The following ATAD5 variants were observed in gnomAD, a reference collection of about 807,000 sequenced individuals.
The protein encoded by ATAD5 is ATPase family AAA domain containing 5, also known as ATPase family AAA domain-containing protein 5.
Under a neutral mutation model 176.9 loss-of-function variants are expected in ATAD5, and 58 were observed. The ratio of observed to expected loss-of-function variants is 0.33; its 90% confidence interval spans 0.27 to 0.41. The LOEUF (loss-of-function observed/expected upper bound fraction) is 0.41. ATAD5 is among the 10% of genes least tolerant of loss of function. The probability of loss-of-function intolerance (pLI) is 1.00; values close to 1 mark genes in which losing one functional copy is unlikely to be tolerated. For synonymous variants in ATAD5, 640 were observed against 712.6 expected, an observed-to-expected ratio of 0.90 and a Z score of 1.62; for missense variants, 1,789 against 2,094.1, an observed-to-expected ratio of 0.85 and a Z score of 2.84.
chr17:30,883,606 C>T lies in ATAD5; in HGVS notation c.4078-3586C>T, dbSNP rs1044890549. ...TGTTGCCCAGGCTGGAGTGCACTGG[C>T]GCAATCACTGGCTCACTGCAAGCTC... On this transcript the variant is annotated intron_variant, in intron 18 of 22. Coordinates refer to ENST00000321990, the MANE Select transcript of ATAD5 (RefSeq NM_024857.5). 5.3e-5 allele frequency among the ~76,000 whole-genome samples: 8 copies of T among 151,912 alleles called. 1 individual carries two copies. The highest frequency in any genetic ancestry group is 4.1e-4 in the South Asian group (2 of 4,822).
intron 1 of ATAD5, 47 bp downstream of exon 1, chr17:30,832,460 G>C (rs1905441959): frequency 6.9e-7 from 1 of 1,446,622 alleles, no homozygotes; most frequent in South Asian, 1.5e-5. Flanking sequence ...CTATCTTTTG[G>C]GGGATTGGAA....
chr17:30,835,236 T>C lies in ATAD5; in HGVS notation c.1155T>C (p.Ala385=). The C allele has an allele frequency of 6.2e-7, 1 of 1,614,084 alleles. No individual in the cohort carries two copies. Among genetic ancestry groups the C allele is most frequent in the Non-Finnish European group, 8.5e-7 (1 of 1,179,990 alleles). Residue 385 remains alanine, a synonymous_variant, in exon 2 of 23, where the codon GCT becomes GCC. Coordinates refer to ENST00000321990, the MANE Select transcript of ATAD5 (RefSeq NM_024857.5). ...AATTAGAATTGGCTGTTTTGGAAGC[T>C]GGAAGTTCTGAAGCTGTGAAACCAA... ...EEELELAVLE[A]GSSEAVKPKC...
At chr17:30,846,130 T>C (rs1268374978) in intron 6 of ATAD5, among the ~76,000 whole-genome samples, 1 of 152,170 alleles carries the variant, frequency 6.6e-6, no homozygotes, top group African/African-American at 2.4e-5. Flanking sequence ...CTCTTTCCTA[T>C]TATCCCCACC....
chr17:30,850,833 TTATATATATATATATATATA>T (rs1312470807), intron 6 of ATAD5, among the ~76,000 whole-genome samples: 15 of 27,840 alleles, frequency 5.4e-4, no homozygotes, highest in Middle Eastern at 0.045. Flanking sequence ...TTATATATTT[TTATATATATATATATATATA>T]TATATATATA....
chr17:30,879,310 G>A, intron 17 of ATAD5, 113 bp from the exon 18 acceptor site: 1 of 1,194,670 alleles, frequency 8.4e-7, no homozygotes, highest in Non-Finnish European at 1.2e-6. Flanking sequence ...GCACTAGGCA[G>A]TGGTGGGGAG....
At chr17:30,853,850 G>C (rs1907121800) in intron 6 of ATAD5, among the ~76,000 whole-genome samples, 1 of 151,590 alleles carries the variant, frequency 6.6e-6, no homozygotes, top group Non-Finnish European at 1.5e-5. Context: ...TCTTCCTCCT[G>C]TTACATTGGG....
At chr17:30,860,695 T>G (rs529406451) in intron 10 of ATAD5, 83 bp downstream of exon 10, 2 of 1,148,592 alleles carry the variant, frequency 1.7e-6, no homozygotes, top group Non-Finnish European at 2.4e-6. Flanking sequence ...AAGATTTTGA[T>G]ATGCTTTTTA....
chr17:30,832,508 G>C, intron 1 of ATAD5, 95 bp downstream of exon 1: 1 of 1,263,974 alleles, frequency 7.9e-7, no homozygotes, highest in Non-Finnish European at 1.1e-6. Flanking sequence ...ACTTTGTAAG[G>C]GGAAAGGTGG....
At chr17:30,842,683 T>A (rs1047708644) in intron 4 of ATAD5, among the ~76,000 whole-genome samples, 2 of 152,218 alleles carry the variant, frequency 1.3e-5, no homozygotes, top group African/African-American at 4.8e-5. Flanking sequence ...ACTGTTTTAT[T>A]TGGAGTACAG....
At chr17:30,859,717 G>GTGGTGTTTTCATGGCTCCCTGCAGCC in intron 9 of ATAD5, among the ~76,000 whole-genome samples, 3 of 147,788 alleles carry the variant, frequency 2.0e-5, no homozygotes, top group East Asian at 2.0e-4. Flanking sequence ...CTAGAATACA[G>GTGGTGTTTTCATGGCTCCCTGCAGCC]TTTGTTTGTT....
In ATAD5 at chr17:30,869,398, A is replaced by G; in HGVS notation, c.3456+8A>G. 6.2e-7 allele frequency: 1 copy of G among 1,611,484 alleles called. No homozygotes were observed. ...CAGGAGCTTGGATTTAAGGTTAGTA[A>G]CAGCTATGATGAGAGAATGTTAATG... On this transcript the variant is annotated splice_region_variant and intron_variant, in intron 13 of 22. Coordinates refer to ENST00000321990, the MANE Select transcript of ATAD5 (RefSeq NM_024857.5).
intron 6 of ATAD5, among the ~76,000 whole-genome samples, chr17:30,847,976 T>A (rs974807567): frequency 1.3e-5 from 2 of 152,192 alleles, no homozygotes; most frequent in Non-Finnish European, 2.9e-5. Context: ...CACCTCGGCC[T>A]CCCAAAGTGC....
chr17:30,834,491 G>C lies in ATAD5; in HGVS notation c.410G>C (p.Ser137Thr). The C allele has an allele frequency of 6.3e-7, 1 of 1,585,886 alleles. No homozygotes were observed. The highest frequency in any genetic ancestry group is 8.5e-7 in the Non-Finnish European group (1 of 1,170,422). ...GAAAATGAAGCTCCAATTGAAATTA[G>C]TAGCGACGATAGCAAAGAAGACTAT... is the stretch of plus-strand genomic sequence containing the variant. ...KTENEAPIEI[S>T]SDDSKEDYSL... is the part of the protein sequence containing the mutation. Residue 137 changes from serine to threonine, a missense_variant, in exon 2 of 23, where the codon AGT (serine) becomes ACT (threonine). By Grantham distance (58) the Ser-to-Thr change is moderately conservative. This residue lies in a region of ATAD5 where 696 missense variants were observed against 712.5 expected (regional missense o/e 0.98). Coordinates refer to ENST00000321990, the MANE Select transcript of ATAD5 (RefSeq NM_024857.5).
chr17:30,890,961 A>G (rs371978448), intron 19 of ATAD5, among the ~76,000 whole-genome samples: 1 of 152,310 alleles, frequency 6.6e-6, no homozygotes, highest in Non-Finnish European at 1.5e-5. Flanking sequence ...TCACAGCTGC[A>G]TGCTTTTCTA....
intron 2 of ATAD5, among the ~76,000 whole-genome samples, 177 bp downstream of exon 2, chr17:30,836,225 C>T (rs1431784803): frequency 6.6e-6 from 1 of 151,074 alleles, no homozygotes. Context: ...GTCGCCCAGG[C>T]TGGAGTGCAG....
At chr17:30,855,084 T>A in intron 6 of ATAD5, 59 bp from the exon 7 acceptor site, 1 of 1,423,268 alleles carries the variant, frequency 7.0e-7, no homozygotes, top group African/African-American at 1.4e-5. Context: ...TTCCAGATAG[T>A]TTATTCCTTT....
intron 11 of ATAD5, among the ~76,000 whole-genome samples, chr17:30,866,443 G>A (rs1597979756): frequency 6.7e-6 from 1 of 148,826 alleles, no homozygotes; most frequent in African/African-American, 2.4e-5. Context: ...TGGTCCACCC[G>A]CCTTGGCCTC....
At chr17:30,887,025 A>G (rs11656121) in intron 18 of ATAD5, among the ~76,000 whole-genome samples, 167 bp from the exon 19 acceptor site, 19,980 of 152,150 alleles carry the variant, frequency 0.13, 1,435 homozygotes, top group South Asian at 0.24. Context: ...TTTTAATTTA[A>G]TGGTATATTC....
rs1480484111 is a variant in ATAD5 at position 30,860,759 on chromosome 17, GAC to G, written c.3136+151_3136+152del. ...TTTAGATTTTCTTTTTCTTTTTTGA[GAC>G]ACAGTTTCTCTCTTGTCACCCAGGC... On this transcript the variant is annotated intron_variant, in intron 10 of 22. Transcript: ENST00000321990. 1.0e-5 allele frequency: 8 copies of G among 765,546 alleles called. No individual in the cohort carries two copies. The African/African-American group carries it at 1.1e-4, about 11-fold the overall frequency. 47.4% of individuals were successfully genotyped at this position (765,546 alleles called of 1,614,324 possible). A position where few individuals can be genotyped will look rare whatever the true frequency, so the allele number is the denominator to read the frequency against.
Sources: gnomAD v4.1 joint callset for allele counts (sites outside exome capture counted in the v4.1 genomes callset) on GRCh38, gnomAD v4.1.1 for gene constraint, gnomAD v4.1.1 regional missense constraint, MANE v1.5 for transcripts, NCBI Gene and HGNC (gene_info 2026-07-23, HGNC 2026-07-21) for gene names.